The following UBE2H variants were observed in gnomAD, a reference collection of about 807,000 sequenced individuals.
UBE2H encodes ubiquitin conjugating enzyme E2 H, also known as ubiquitin-conjugating enzyme E2 H.
A neutral mutation model predicts 29.0 loss-of-function variants in UBE2H; 3 were observed. The ratio of observed to expected loss-of-function variants is 0.10; its 90% CI spans 0.05 to 0.27. The LOEUF (loss-of-function observed/expected upper bound fraction) is 0.27. Among genes scored for constraint, UBE2H ranks in the 10% least tolerant of loss-of-function variants. UBE2H has a pLI of 1.00. For synonymous variants in UBE2H, 69 were observed against 82.9 expected (o/e 0.83, Z 0.91); for missense variants, 68 against 228.2 (o/e 0.30, Z 4.52).
intron 1 of UBE2H, among the ~76,000 whole-genome samples, chr7:129,943,710 G>A (rs1469344785): frequency 6.6e-6 from 1 of 152,128 alleles, no homozygotes; most frequent in East Asian, 1.9e-4. Flanking sequence ...AGACCAACCT[G>A]GCCAACATGG....
At chr7:129,857,239 ATG>A in intron 5 of UBE2H, 1 of 424,378 alleles carries the variant, frequency 2.4e-6, no homozygotes, top group South Asian at 4.7e-5. Flanking sequence ...ACATGTATTC[ATG>A]TGTGTGCGCA....
chr7:129,936,251 C>A (rs192865402), intron 1 of UBE2H, among the ~76,000 whole-genome samples: 59 of 152,198 alleles, frequency 3.9e-4, no homozygotes, highest in Non-Finnish European at 1.3e-4. Flanking sequence ...GAGTAATATG[C>A]CCAATTTAAA....
intron 1 of UBE2H, among the ~76,000 whole-genome samples, chr7:129,922,442 C>T (rs771725319): frequency 4.0e-5 from 6 of 151,842 alleles, no homozygotes; most frequent in Non-Finnish European, 7.4e-5. Context: ...GACGCCATCA[C>T]GCCTGGCTAA....
chr7:129,865,032 CT>C, intron 3 of UBE2H: 1 of 439,634 alleles, frequency 2.3e-6, no homozygotes, highest in South Asian at 1.6e-5. Context: ...TGTCCTGCGT[CT>C]TTTAGCAGAA....
At chr7:129,900,968 T>G (rs1806701991) in intron 1 of UBE2H, among the ~76,000 whole-genome samples, 2 of 152,116 alleles carry the variant, frequency 1.3e-5, no homozygotes, top group Admixed American at 1.3e-4. Context: ...GCCAGGATGG[T>G]CTCCATCTCC....
chr7:129,951,560 T>C (rs935251096), intron 1 of UBE2H, among the ~76,000 whole-genome samples: 4 of 152,222 alleles, frequency 2.6e-5, no homozygotes, highest in African/African-American at 9.7e-5. Flanking sequence ...ATAATCAGTC[T>C]GGACTCCAAC....
intron 1 of UBE2H, among the ~76,000 whole-genome samples, chr7:129,948,216 C>T (rs1339310571): frequency 6.6e-6 from 1 of 151,242 alleles, no homozygotes; most frequent in Non-Finnish European, 1.5e-5. Flanking sequence ...AGTGCAGTGG[C>T]ATGATCTTAG....
chr7:129,861,329 CTG>C (rs1441694969), intron 3 of UBE2H, among the ~76,000 whole-genome samples: 1 of 151,960 alleles, frequency 6.6e-6, no homozygotes, highest in Non-Finnish European at 1.5e-5. Flanking sequence ...AAATAAGAAA[CTG>C]AAAGTAAGTA....
At chr7:129,889,570 T>G (rs988931594) in intron 1 of UBE2H, among the ~76,000 whole-genome samples, 15 of 152,196 alleles carry the variant, frequency 9.9e-5, no homozygotes. Flanking sequence ...ACTCCTAACA[T>G]TCCCACCATG....
intron 1 of UBE2H, among the ~76,000 whole-genome samples, chr7:129,944,056 C>T (rs1807702403): frequency 1.3e-5 from 2 of 151,986 alleles, no homozygotes; most frequent in African/African-American, 4.8e-5. Flanking sequence ...AACATGATTC[C>T]TTTAAAATAC....
intron 5 of UBE2H, among the ~76,000 whole-genome samples, chr7:129,848,313 A>C (rs10246707): frequency 0.18 from 27,797 of 152,216 alleles, 2,830 homozygotes; most frequent in African/African-American, 0.26. Context: ...CATCCTCCAG[A>C]AGCATGCTAT....
intron 3 of UBE2H, among the ~76,000 whole-genome samples, chr7:129,868,436 C>T (rs995504461): frequency 6.7e-6 from 1 of 149,768 alleles, no homozygotes; most frequent in Non-Finnish European, 1.5e-5. Context: ...AAAAATTAGC[C>T]AGGCGCGGTG....
Position 129,951,786 on chromosome 7 carries a change from G to T in UBE2H, c.53+717C>A, listed in dbSNP as rs979195139. On this transcript the variant is annotated intron_variant, in intron 1 of 6. Transcript: ENST00000355621. ...TTGTCCAGGAGCTCCTCTTTCCCCA[G>T]CTGTCATACCCACAATATGGAGGGT... Among the ~76,000 whole-genome samples, 5 of 152,170 alleles carry T rather than the reference G, an allele frequency of 3.3e-5. No homozygotes were observed. In the East Asian group the frequency reaches 7.7e-4, roughly 23 times the overall value.
At chr7:129,874,311 ATT>A (rs200046665) in intron 3 of UBE2H, among the ~76,000 whole-genome samples, 8 of 140,604 alleles carry the variant, frequency 5.7e-5, no homozygotes, top group Admixed American at 1.4e-4. Context: ...TATATATATA[ATT>A]TTTTTTTTTT....
intron 5 of UBE2H, among the ~76,000 whole-genome samples, chr7:129,846,168 AG>A (rs1004592255): frequency 1.3e-5 from 2 of 152,186 alleles, no homozygotes; most frequent in African/African-American, 2.4e-5. Flanking sequence ...TTTATGAACC[AG>A]TGACCACAAG....
rs1225028001 is a variant in UBE2H, at chr7:129,831,181, A to G, written c.*3756T>C. The G allele has an allele frequency of 6.6e-6, 1 of 152,186 alleles. No individual in the cohort carries two copies. 9.4% of individuals were successfully genotyped at this position (152,186 alleles called of 1,614,324 possible). On this transcript the variant is annotated 3_prime_UTR_variant, in exon 7 of 7. Coordinates refer to ENST00000355621, the MANE Select transcript of UBE2H (RefSeq NM_003344.4). ...GGTGTTCACGGGCCAGAGAAAGCAC[A>G]AACATGGATTCAGAAGTCCAAAGAA...
At chr7:129,858,659 G>T (rs1389737243) in intron 4 of UBE2H, among the ~76,000 whole-genome samples, 1 of 152,062 alleles carries the variant, frequency 6.6e-6, no homozygotes, top group East Asian at 1.9e-4. Flanking sequence ...CTGTTTGCTG[G>T]GTAACAAGAA....
chr7:129,852,691 A>G (rs1805633430), intron 5 of UBE2H, among the ~76,000 whole-genome samples: 2 of 152,200 alleles, frequency 1.3e-5, no homozygotes, highest in Non-Finnish European at 2.9e-5. Context: ...TTTCATAAGA[A>G]AATTGTCTTC....
At chr7:129,842,613 G>T (rs1805446939) in intron 5 of UBE2H, among the ~76,000 whole-genome samples, 1 of 152,050 alleles carries the variant, frequency 6.6e-6, no homozygotes, top group Non-Finnish European at 1.5e-5. Context: ...AGCAAATTCA[G>T]TTTTACAGGC....
Sources: gnomAD v4.1 joint callset for allele counts (sites outside exome capture counted in the v4.1 genomes callset) on GRCh38, gnomAD v4.1.1 for gene constraint, MANE v1.5 for transcripts, NCBI Gene and HGNC (gene_info 2026-07-23, HGNC 2026-07-21) for gene names.